Variants in PHACTR2 observed in about 807,000 individuals in gnomAD.
PHACTR2 encodes the protein chromosome 6 open reading frame 56.
A neutral mutation model predicts 76.0 loss-of-function variants in PHACTR2; 30 were observed. The observed-to-expected ratio is 0.39, with a 90% CI of 0.30 to 0.54. PHACTR2 has a LOEUF of 0.54. PHACTR2 is among the 20% of genes least tolerant of loss of function. The pLI is 0.61. For missense variants in PHACTR2, 696 were observed against 781.1 expected, an observed-to-expected ratio of 0.89 and a Z score of 1.30; for synonymous variants, 292 against 292.5, an observed-to-expected ratio of 1.00 and a Z score of 0.02.
At chr6:143,686,061 G>A (rs973771592) in intron 1 of PHACTR2, among the ~76,000 whole-genome samples, 3 of 151,826 alleles carry the variant, frequency 2.0e-5, no homozygotes, top group Non-Finnish European at 4.4e-5. Context: ...GAACTCGGGA[G>A]GCGAAGGTTG....
chr6:143,566,429 G>A (rs1036774938), intron 1 of PHACTR2, among the ~76,000 whole-genome samples: 1 of 152,036 alleles, frequency 6.6e-6, no homozygotes, highest in Non-Finnish European at 1.5e-5. Context: ...AAGTAGCTGG[G>A]ACTACAGGCA....
At chr6:143,766,909 G>A (rs1197907691) in intron 6 of PHACTR2, among the ~76,000 whole-genome samples, 1 of 152,150 alleles carries the variant, frequency 6.6e-6, no homozygotes, top group African/African-American at 2.4e-5. Flanking sequence ...AAGGCTTAGA[G>A]CTCTTGCATC....
Position 143,570,529 on chromosome 6 carries a change from G to A in PHACTR2, c.217+33322G>A, listed in dbSNP as rs532682351. Among the ~76,000 whole-genome samples the A allele has an allele frequency of 9.2e-5, 14 of 152,098 alleles. No homozygotes were observed. The highest frequency in any genetic ancestry group is 1.9e-4 in the East Asian group (1 of 5,192). ...AATGTTCTATCAATAGCTTTCTATCGATTGGCAGTTTTGTGCCTTTTCAGT... is the reference window on the plus strand; with the variant it reads ...AATGTTCTATCAATAGCTTTCTATCAATTGGCAGTTTTGTGCCTTTTCAGT... On this transcript the variant is annotated intron_variant, in intron 1 of 11. Coordinates refer to the PHACTR2 transcript ENST00000367584. The surrounding 1 kb of genome is among the most constrained non-coding windows in gnomAD (Gnocchi z 4.6).
Position 143,765,587 on chromosome 6 carries a change from G to A in PHACTR2, c.1021G>A (p.Ala341Thr). 6.2e-7 allele frequency: 1 copy of A among 1,614,030 alleles called. No homozygotes were observed. Among genetic ancestry groups the A allele is most frequent in the Non-Finnish European group, 8.5e-7 (1 of 1,179,942 alleles). The change falls in exon 6 of 13, where the codon GCT (alanine) becomes ACT (threonine). Residue 341 changes from alanine to threonine, a missense_variant. Coordinates refer to ENST00000440869, the MANE Select transcript of PHACTR2 (RefSeq NM_001100164.2). The surrounding 1 kb of genome is among the most constrained non-coding windows in gnomAD (Gnocchi z 4.1). The part of the protein sequence containing the change: ...FKSMVPPPPV[A>T]PAPSPLAPPL... ...GTCCATGGTCCCTCCACCCCCTGTG[G>A]CTCCAGCACCTTCTCCTCTGGCCCC...
chr6:143,760,665 G>A lies in PHACTR2; in HGVS notation c.694+25G>A. The stretch of plus-strand genomic sequence containing the variant: ...GGTGAGTATGCCCCCAGTGCCCTGT[G>A]GGGTCACTTCTAGGGTGCTTGGCTC... On this transcript the variant is annotated intron_variant, in intron 5 of 12. Transcript: ENST00000440869. This position sits in a 1 kb window ranked among gnomAD's most constrained non-coding sequence, Gnocchi z 6.4. 1.2e-6 allele frequency: 2 copies of A among 1,612,698 alleles called. No homozygotes were observed. Among genetic ancestry groups the A allele is most frequent in the South Asian group, 2.2e-5 (2 of 90,972 alleles).
At chr6:143,645,677 C>G (rs1350148323) in intron 1 of PHACTR2, among the ~76,000 whole-genome samples, 1 of 152,130 alleles carries the variant, frequency 6.6e-6, no homozygotes, top group African/African-American at 2.4e-5. Context: ...CTTTTCCATT[C>G]TTGAGAATGT....
In PHACTR2 at chr6:143,621,868, G is replaced by C. The variant is rs1191187059; in HGVS notation, c.13+13546G>C. Among the ~76,000 whole-genome samples the C allele has an allele frequency of 1.3e-5, 2 of 152,170 alleles. No individual in the cohort carries two copies. The highest frequency in any genetic ancestry group is 1.3e-4 in the Admixed American group (2 of 15,280). Reference sequence around the variant, plus strand: ...ACTTGGCCCCAGGTCCCCCTGCTCTGGCTCCCTGAGTTCCTGCCTTGCTCA... The same window carrying C: ...ACTTGGCCCCAGGTCCCCCTGCTCTCGCTCCCTGAGTTCCTGCCTTGCTCA... On this transcript the variant is annotated intron_variant, in intron 1 of 11. Coordinates refer to the PHACTR2 transcript ENST00000305766. This position sits in a 1 kb window ranked among gnomAD's most constrained non-coding sequence, Gnocchi z 4.1.
Position 143,688,006 on chromosome 6 carries a change from A to G in PHACTR2, c.46+9797A>G, listed in dbSNP as rs994857137. 1.3e-5 allele frequency among the ~76,000 whole-genome samples: 2 copies of G among 152,172 alleles called. No individual in the cohort carries two copies. The highest frequency in any genetic ancestry group is 2.9e-5 in the Non-Finnish European group (2 of 68,038). ...CCTGCCCACAAAGCGTCCAGTCTAG[A>G]AGATGCTTAGTGAAAATGTGCAGAA... On this transcript the variant is annotated intron_variant, in intron 1 of 12. Transcript: ENST00000440869. The surrounding 1 kb of genome is among the most constrained non-coding windows in gnomAD (Gnocchi z 5.2).
rs1775569319 is a variant in PHACTR2 at position 143,581,318 on chromosome 6, C to T, written c.217+44111C>T. On this transcript the variant is annotated intron_variant, in intron 1 of 11. Transcript: ENST00000367584. This position sits in a 1 kb window ranked among gnomAD's most constrained non-coding sequence, Gnocchi z 4.5. ...GACTGTATCAAGTTATCCTCCTGAC[C>T]GGGCGCAGTGGTTCATGCCTGTAAT... Among the ~76,000 whole-genome samples the T allele has an allele frequency of 6.6e-6, 1 of 152,148 alleles. No homozygotes were observed. Among genetic ancestry groups the T allele is most frequent in the African/African-American group, 2.4e-5 (1 of 41,436 alleles).
chr6:143,620,315 C>T (rs1477116335), intron 1 of PHACTR2, among the ~76,000 whole-genome samples: 1 of 152,084 alleles, frequency 6.6e-6, no homozygotes, highest in East Asian at 1.9e-4. Flanking sequence ...GGAAGGTTTT[C>T]ATGGAACCTC....
chr6:143,720,092 G>T (rs576922589), intron 2 of PHACTR2, among the ~76,000 whole-genome samples: 1 of 152,158 alleles, frequency 6.6e-6, no homozygotes, highest in African/African-American at 2.4e-5. Flanking sequence ...GATTATAAGT[G>T]TGCGCCACTG....
intron 1 of PHACTR2, among the ~76,000 whole-genome samples, chr6:143,603,136 A>G (rs1775829833): frequency 1.6e-5 from 2 of 122,122 alleles, no homozygotes; most frequent in Admixed American, 2.0e-4. Context: ...CAAGAGCAAG[A>G]CTCTGTCTCA....
In PHACTR2 at chr6:143,753,932, A is replaced by T. The variant is rs761936536; in HGVS notation, c.454+20A>T. 6.3e-7 allele frequency: 1 copy of T among 1,575,920 alleles called. No homozygotes were observed. Among genetic ancestry groups the T allele is most frequent in the Non-Finnish European group, 8.6e-7 (1 of 1,162,012 alleles). On this transcript the variant is annotated intron_variant, in intron 4 of 12. Transcript: ENST00000440869. The surrounding 1 kb of genome is among the most constrained non-coding windows in gnomAD (Gnocchi z 4.6). Reference sequence around the variant, plus strand: ...AGAAAGGTAAAATAAAGACAAACCCATATTATTTACTTTAGTATATAGCTC... The same window carrying T: ...AGAAAGGTAAAATAAAGACAAACCCTTATTATTTACTTTAGTATATAGCTC...
chr6:143,686,064 G>A (rs1243084695), intron 1 of PHACTR2, among the ~76,000 whole-genome samples: 4 of 150,716 alleles, frequency 2.7e-5, no homozygotes, highest in East Asian at 2.0e-4. Context: ...CTCGGGAGGC[G>A]AAGGTTGTAG....
chr6:143,685,422 A>G (rs1777490501), intron 1 of PHACTR2, among the ~76,000 whole-genome samples: 3 of 152,170 alleles, frequency 2.0e-5, no homozygotes, highest in Admixed American at 6.5e-5. Flanking sequence ...ATAGGAAAAC[A>G]AGTAAACAAC....
rs6925656 is a variant in PHACTR2, at chr6:143,822,652, A to G, written c.1923-1022A>G. Among the ~76,000 whole-genome samples, 8 of 152,220 alleles carry G rather than the reference A, an allele frequency of 5.3e-5. No homozygotes were observed. The highest frequency in any genetic ancestry group is 1.9e-4 in the African/African-American group (8 of 41,464). On this transcript the variant is annotated intron_variant, in intron 12 of 12. Transcript: ENST00000440869. This position sits in a 1 kb window ranked among gnomAD's most constrained non-coding sequence, Gnocchi z 5.5. ...AATTAGGAGACTGGCTGACCAGAGC[A>G]GATGAGCATTCGACTGTAGAAGACA... is the stretch of plus-strand genomic sequence containing the variant.
chr6:143,768,463 G>T (rs1474110779), intron 6 of PHACTR2, among the ~76,000 whole-genome samples: 1 of 152,050 alleles, frequency 6.6e-6, no homozygotes, highest in Non-Finnish European at 1.5e-5. Context: ...AACTAGATTG[G>T]GTATACGGGA....
At chr6:143,723,759 T>C (rs1778495331) in intron 2 of PHACTR2, among the ~76,000 whole-genome samples, 1 of 137,922 alleles carries the variant, frequency 7.3e-6, no homozygotes, top group Non-Finnish European at 1.6e-5. Flanking sequence ...CACCCTTCTC[T>C]ATCTTACCTA....
intron 12 of PHACTR2, among the ~76,000 whole-genome samples, chr6:143,815,894 GAAAA>G (rs11310299): frequency 3.9e-5 from 5 of 129,340 alleles, no homozygotes; most frequent in Non-Finnish European, 5.0e-5. Context: ...TCTGTCTCAA[GAAAA>G]AAAAAAAAAA....
Sources: gnomAD v4.1 joint callset for allele counts (sites outside exome capture counted in the v4.1 genomes callset) on GRCh38, gnomAD v4.1.1 for gene constraint, Gnocchi (gnomAD v3.1) non-coding constraint, MANE v1.5 for transcripts, NCBI Gene and HGNC (gene_info 2026-07-23, HGNC 2026-07-21) for gene names.